The following GRHL2 variants were observed in gnomAD, a reference collection of about 807,000 sequenced individuals.
GRHL2 encodes grainyhead-like protein 2 homolog.
GRHL2 carries 21 observed loss-of-function variants against 83.8 expected under a neutral mutation model. The observed-to-expected ratio is 0.25, with a 90% CI of 0.18 to 0.36. GRHL2 has a LOEUF of 0.36. Ranked by LOEUF, GRHL2 falls within the 10% of genes least tolerant of loss-of-function variation. GRHL2 has a pLI of 1.00. For synonymous variants in GRHL2, 280 were observed against 278.9 expected (o/e 1.00, Z -0.04); for missense variants, 623 against 781.8 (o/e 0.80, Z 2.42).
downstream of GRHL2, among the ~76,000 whole-genome samples, chr8:101,673,181 A>G (rs1259561755): frequency 1.3e-5 from 2 of 152,100 alleles, no homozygotes; most frequent in African/African-American, 2.4e-5. Flanking sequence ...TCATAAGGAC[A>G]GGATCAAATT....
At chr8:101,636,848 T>A in intron 11 of GRHL2, 49 bp from the exon 12 acceptor site, 1 of 1,560,452 alleles carries the variant, frequency 6.4e-7, no homozygotes, top group Non-Finnish European at 8.8e-7. Flanking sequence ...TAATATTTTT[T>A]CCATTTCTTG....
At chr8:101,594,307 T>C (rs1586128573) in intron 7 of GRHL2, among the ~76,000 whole-genome samples, 1 of 152,288 alleles carries the variant, frequency 6.6e-6, no homozygotes, top group African/African-American at 2.4e-5. Context: ...CTCAAGGAAA[T>C]TGGCACAGCA....
intron 10 of GRHL2, 64 bp downstream of exon 10, chr8:101,631,788 A>G: frequency 7.5e-7 from 1 of 1,326,948 alleles, no homozygotes; most frequent in East Asian, 2.3e-5. Context: ...CCACTGGGGG[A>G]ACAGGTGGAA....
At chr8:101,585,596 C>G (rs1305892853) in intron 7 of GRHL2, among the ~76,000 whole-genome samples, 3 of 152,148 alleles carry the variant, frequency 2.0e-5, no homozygotes, top group Non-Finnish European at 2.9e-5. Flanking sequence ...TCCGCCCTTG[C>G]TGTTATCACG....
At chr8:101,658,746 G>A (rs947797907) in intron 14 of GRHL2, among the ~76,000 whole-genome samples, 7 of 152,110 alleles carry the variant, frequency 4.6e-5, no homozygotes, top group African/African-American at 1.7e-4. Context: ...TTGATGTTGA[G>A]TGGAAAAAAG....
chr8:101,519,293 G>C (rs181179192), intron 1 of GRHL2, among the ~76,000 whole-genome samples: 1 of 151,950 alleles, frequency 6.6e-6, no homozygotes, highest in African/African-American at 2.4e-5. Flanking sequence ...AAAAGTGCTG[G>C]AATTACAGCT....
At chr8:101,561,887 A>AT in intron 4 of GRHL2, 1 of 444,162 alleles carries the variant, frequency 2.3e-6, no homozygotes, top group Non-Finnish European at 4.1e-6. Context: ...GGAAAGATAT[A>AT]TTTTAATCAC....
At chr8:101,566,493 CA>C (rs1384868338) in intron 4 of GRHL2, among the ~76,000 whole-genome samples, 9 of 151,128 alleles carry the variant, frequency 6.0e-5, no homozygotes, top group Non-Finnish European at 1.2e-4. Context: ...AAAGACCTTC[CA>C]ATTTTACTCT....
chr8:101,540,549 C>A (rs1981361), intron 1 of GRHL2, among the ~76,000 whole-genome samples: 1 of 152,018 alleles, frequency 6.6e-6, no homozygotes, highest in African/African-American at 2.4e-5. Context: ...GCCTAGCGAC[C>A]GGAATTCCAC....
chr8:101,542,803 A>T (rs1811181915), intron 1 of GRHL2: 1 of 456,600 alleles, frequency 2.2e-6, no homozygotes, highest in Non-Finnish European at 4.4e-6. Flanking sequence ...GGGTAAAGAG[A>T]GAGTAAGATG....
intron 14 of GRHL2, among the ~76,000 whole-genome samples, chr8:101,658,076 A>G (rs1586177995): frequency 6.6e-6 from 1 of 152,248 alleles, no homozygotes; most frequent in East Asian, 1.9e-4. Context: ...AGGGTTCTGA[A>G]TTTGGCAAAG....
At chr8:101,499,591 C>G (rs1270026348) in intron 1 of GRHL2, among the ~76,000 whole-genome samples, 1 of 152,126 alleles carries the variant, frequency 6.6e-6, no homozygotes, top group Non-Finnish European at 1.5e-5. Context: ...TCCTTGTTAC[C>G]TGGGCCAAGA....
chr8:101,543,780 C>T (rs1811205101), intron 2 of GRHL2: 1 of 320,856 alleles, frequency 3.1e-6, no homozygotes, highest in African/African-American at 2.2e-5. Context: ...AAGTATATTA[C>T]ATTGAGTGGC....
chr8:101,493,385 C>A (rs1039637849), intron 1 of GRHL2, among the ~76,000 whole-genome samples: 2 of 151,806 alleles, frequency 1.3e-5, no homozygotes, highest in African/African-American at 4.8e-5. Context: ...GGCGCGGGGG[C>A]GGCCGGCGCC....
chr8:101,563,543 T>A (rs1327416947), intron 4 of GRHL2, among the ~76,000 whole-genome samples: 2 of 152,158 alleles, frequency 1.3e-5, no homozygotes, highest in African/African-American at 4.8e-5. Context: ...CAGGGAGTGA[T>A]GAAAGTGACA....
At chr8:101,522,033 C>T (rs1351776918) in intron 1 of GRHL2, among the ~76,000 whole-genome samples, 1 of 152,134 alleles carries the variant, frequency 6.6e-6, no homozygotes, top group Non-Finnish European at 1.5e-5. Context: ...TGGTAGGAAG[C>T]TGTTTGTAAT....
At chr8:101,614,301 ACAAT>A (rs1248275483) in intron 8 of GRHL2, among the ~76,000 whole-genome samples, 1 of 151,128 alleles carries the variant, frequency 6.6e-6, no homozygotes, top group Non-Finnish European at 1.5e-5. Context: ...ACATTTAGAA[ACAAT>A]CTTTATCTGA....
intron 1 of GRHL2, among the ~76,000 whole-genome samples, chr8:101,501,574 G>C (rs1810229466): frequency 6.6e-6 from 1 of 152,204 alleles, no homozygotes; most frequent in Admixed American, 6.5e-5. Flanking sequence ...TGTTTTCTCA[G>C]TGGAGTGTGA....
rs552336462 is a variant in GRHL2 at position 101,507,014 on chromosome 8, C to G, written c.20+14225C>G. Among the ~76,000 whole-genome samples, 15 of 152,294 alleles carry G rather than the reference C, an allele frequency of 9.8e-5. No individual in the cohort carries two copies. The South Asian group carries it at 3.1e-3, about 32-fold the overall frequency. ...TGAGGGGGACTTTGGGGCTGAGATC[C>G]AGCTGTGCTCCCCTCTGGCGTCTAC... On this transcript the variant is annotated intron_variant, in intron 1 of 15. Coordinates refer to ENST00000646743, the MANE Select transcript of GRHL2 (RefSeq NM_024915.4).
Sources: allele counts gnomAD v4.1 joint callset (sites outside exome capture counted in the v4.1 genomes callset), GRCh38; gene constraint gnomAD v4.1.1; transcripts MANE v1.5; gene names NCBI Gene and HGNC (gene_info 2026-07-23, HGNC 2026-07-21).